Variants in CEP128 observed in about 807,000 individuals in gnomAD.
CEP128 encodes the protein centrosomal protein 128kDa.
Under a neutral mutation model 156.7 loss-of-function variants are expected in CEP128, and 132 were observed. The ratio of observed to expected loss-of-function variants is 0.84; its 90% CI spans 0.73 to 0.97. The LOEUF (loss-of-function observed/expected upper bound fraction) is 0.97. Among genes scored for constraint, CEP128 ranks in the 50% least tolerant of loss-of-function variants. The pLI is 0.00. For synonymous variants in CEP128, 469 were observed against 448.9 expected (o/e 1.04, Z -0.57); for missense variants, 1,252 against 1,281.9 (o/e 0.98, Z 0.36).
At chr14:80,633,217 G>A (rs1269591100) in intron 19 of CEP128, among the ~76,000 whole-genome samples, 6 of 144,266 alleles carry the variant, frequency 4.2e-5, no homozygotes. Context: ...GCCAGAGTTA[G>A]ACCCTGCCTA....
At chr14:80,829,848 T>A (rs1030500419) in intron 13 of CEP128, among the ~76,000 whole-genome samples, 49 of 152,172 alleles carry the variant, frequency 3.2e-4, no homozygotes, top group Admixed American at 2.9e-3. Flanking sequence ...GAATCTTGAA[T>A]AAGAGCATTA....
At chr14:80,944,822 C>CAAAAAA (rs55662141), upstream of CEP128, among the ~76,000 whole-genome samples, 6 of 34,648 alleles carry the variant, frequency 1.7e-4, no homozygotes, top group Admixed American at 6.5e-4. Context: ...GAGTCTGTCT[C>CAAAAAA]AAAAAAAAAA....
chr14:80,682,100 C>G (rs1896346468), intron 19 of CEP128, among the ~76,000 whole-genome samples: 1 of 151,816 alleles, frequency 6.6e-6, no homozygotes. Flanking sequence ...AGAGTAAGAC[C>G]CTTTCCCCCC....
At chr14:80,648,387 C>T (rs1894752348) in intron 19 of CEP128, among the ~76,000 whole-genome samples, 2 of 152,042 alleles carry the variant, frequency 1.3e-5, no homozygotes, top group African/African-American at 4.8e-5. Flanking sequence ...AACTAATCTA[C>T]AATTACAAAT....
At chr14:80,804,187 A>G (rs370300391) in intron 13 of CEP128, among the ~76,000 whole-genome samples, 7 of 152,254 alleles carry the variant, frequency 4.6e-5, no homozygotes, top group African/African-American at 1.7e-4. Context: ...TCATTTTAAT[A>G]TAAGTGTTTT....
chr14:80,697,085 T>TA (rs1206350716), intron 19 of CEP128, among the ~76,000 whole-genome samples: 5 of 152,152 alleles, frequency 3.3e-5, no homozygotes, highest in African/African-American at 7.2e-5. Flanking sequence ...CCTACAGCCT[T>TA]ACTCCTTGAT....
At chr14:80,750,426 T>G (rs572293847) in intron 18 of CEP128, among the ~76,000 whole-genome samples, 6 of 152,280 alleles carry the variant, frequency 3.9e-5, no homozygotes, top group Admixed American at 2.0e-4. Flanking sequence ...CTTCTGATGC[T>G]TCCCACATAA....
At chr14:80,741,307 T>C (rs952334023) in intron 19 of CEP128, among the ~76,000 whole-genome samples, 5 of 152,212 alleles carry the variant, frequency 3.3e-5, no homozygotes, top group African/African-American at 1.2e-4. Flanking sequence ...GTAAACCTGA[T>C]AGTTTCAACA....
intron 19 of CEP128, among the ~76,000 whole-genome samples, chr14:80,642,778 CAG>C (rs1324149113): frequency 2.7e-5 from 4 of 148,002 alleles, no homozygotes; most frequent in Non-Finnish European, 3.0e-5. Flanking sequence ...TTTTTTGAGA[CAG>C]AGTCTTGCTC....
intron 8 of CEP128, among the ~76,000 whole-genome samples, chr14:80,877,693 C>G (rs557774377): frequency 2.6e-5 from 4 of 152,306 alleles, no homozygotes; most frequent in South Asian, 2.1e-4. Flanking sequence ...CTCATCCCCC[C>G]AGTTGGGGTC....
intron 2 of CEP128, among the ~76,000 whole-genome samples, chr14:80,957,139 C>G (rs988877414): frequency 3.3e-5 from 5 of 152,156 alleles, no homozygotes; most frequent in Admixed American, 3.3e-4. Context: ...CCTTGCCTTT[C>G]TTCCCACTTT....
intron 19 of CEP128, among the ~76,000 whole-genome samples, chr14:80,635,396 G>T (rs558701721): frequency 2.1e-4 from 32 of 152,060 alleles, no homozygotes; most frequent in Admixed American, 2.1e-3. Context: ...ACTCCACTGG[G>T]GGTAAAAAAA....
chr14:80,832,457 T>C (rs1885857552), intron 12 of CEP128, among the ~76,000 whole-genome samples: 1 of 152,044 alleles, frequency 6.6e-6, no homozygotes, highest in African/African-American at 2.4e-5. Flanking sequence ...ATTCATAAAA[T>C]ACATTCCCAC....
chr14:80,617,082 C>T (rs529251434), intron 19 of CEP128, among the ~76,000 whole-genome samples: 2 of 142,174 alleles, frequency 1.4e-5, no homozygotes, highest in African/African-American at 5.2e-5. Context: ...TGTATTATAA[C>T]CACAGAGGAA....
rs200863097 is a variant in CEP128 at position 80,653,346 on chromosome 14, A to AC, written c.2807-72924_2807-72923insG. On this transcript the variant is annotated intron_variant, in intron 19 of 24. Coordinates refer to ENST00000555265, the MANE Select transcript of CEP128 (RefSeq NM_152446.5). ...CTTAAAGTTTAATAATAAAAAAAAA[A>AC]GTTGGAAGGTAGCAGAGGTCAGTTG... Among the ~76,000 whole-genome samples, 593 of 151,894 alleles carry AC rather than the reference A, an allele frequency of 3.9e-3. 13 individuals are homozygous for AC. In the East Asian group the frequency reaches 0.082, roughly 21 times the overall value.
chr14:80,658,695 C>T (rs71416845), intron 19 of CEP128, among the ~76,000 whole-genome samples: 10,139 of 152,124 alleles, frequency 0.067, 384 homozygotes, highest in African/African-American at 0.089. Context: ...ATAACAGGTA[C>T]AATAAATGTG....
intron 20 of CEP128, among the ~76,000 whole-genome samples, chr14:80,570,480 T>G (rs980250988): frequency 6.6e-6 from 1 of 152,122 alleles, no homozygotes. Flanking sequence ...ATTTCACTCA[T>G]TTAAAGCCAG....
chr14:80,578,986 G>C (rs760772634), intron 20 of CEP128, among the ~76,000 whole-genome samples: 16 of 152,130 alleles, frequency 1.1e-4, no homozygotes, highest in Non-Finnish European at 1.6e-4. Flanking sequence ...CATTTCAGTA[G>C]AAAATGCTGC....
upstream of CEP128, among the ~76,000 whole-genome samples, chr14:80,943,595 C>T (rs1344665857): frequency 1.3e-5 from 2 of 152,152 alleles, no homozygotes; most frequent in African/African-American, 4.8e-5. Flanking sequence ...CAGATATTTT[C>T]GTTCATTTTG....
Sources: gnomAD v4.1 joint callset for allele counts (sites outside exome capture counted in the v4.1 genomes callset) on GRCh38, gnomAD v4.1.1 for gene constraint, MANE v1.5 for transcripts, NCBI Gene and HGNC (gene_info 2026-07-23, HGNC 2026-07-21) for gene names.